The following MARCHF2 variants were observed in gnomAD, a reference collection of about 807,000 sequenced individuals.
MARCHF2 encodes membrane associated ring-CH-type finger 2, also known as E3 ubiquitin-protein ligase MARCHF2.
In MARCHF2, 22 loss-of-function variants were observed where a neutral mutation model predicts 24.0. The observed-to-expected ratio is 0.92, with a 90% confidence interval of 0.66 to 1.31. MARCHF2 has a LOEUF of 1.31. MARCHF2 is among the 50% of genes most tolerant of loss of function. The probability of loss-of-function intolerance (pLI) is 0.00; values close to 1 mark genes in which losing one functional copy is unlikely to be tolerated. For missense variants in MARCHF2, 301 were observed against 335.3 expected (o/e 0.90, Z 0.80); for synonymous variants, 154 against 153.0 (o/e 1.01, Z -0.05).
Position 8,430,597 on chromosome 19 carries a change from C to T in MARCHF2, c.373-61C>T. On this transcript the variant is annotated intron_variant, in intron 3 of 4. Coordinates refer to ENST00000215555, the MANE Select transcript of MARCHF2 (RefSeq NM_001005415.2). The surrounding 1 kb of genome is among the most constrained non-coding windows in gnomAD (Gnocchi z 4.4). The stretch of plus-strand genomic sequence containing the variant: ...GGCCTAGGCCTGGAGGTCCTTACCC[C>T]TCCCCCTCAGTAGCCCCTTCTCTGC... 1 of 1,418,142 alleles carries T rather than the reference C, an allele frequency of 7.1e-7. No homozygotes were observed. The highest frequency in any genetic ancestry group is 2.3e-5 in the East Asian group (1 of 43,782). The allele number at this position is 1,418,142 out of a possible 1,614,324, so 87.8% of individuals were successfully genotyped here.
intron 2 of MARCHF2, among the ~76,000 whole-genome samples, chr19:8,425,615 G>T (rs894171044): frequency 1.3e-5 from 2 of 148,418 alleles, no homozygotes; most frequent in African/African-American, 5.1e-5. Flanking sequence ...CCTAGTCCTT[G>T]AGGATTTTTT....
chr19:8,425,350 A>G (rs1469244495), intron 2 of MARCHF2, among the ~76,000 whole-genome samples: 1 of 151,466 alleles, frequency 6.6e-6, no homozygotes. Flanking sequence ...CAGTGAGCTG[A>G]TATCACACCA....
rs1967550717 is a variant in MARCHF2 at position 8,430,547 on chromosome 19, A to AT, written c.373-111_373-110insT. On this transcript the variant is annotated intron_variant, in intron 3 of 4. Transcript: ENST00000215555. This position sits in a 1 kb window ranked among gnomAD's most constrained non-coding sequence, Gnocchi z 4.4. ...GAGAATCTGTCTCAAAAAAAAAAAA[A>AT]AGAAAGAAGGAAAGGACAGAGGGAG... 3.7e-6 allele frequency: 3 copies of AT among 814,806 alleles called. No homozygotes were observed. The African/African-American group carries it at 5.2e-5, about 14-fold the overall frequency. The allele number at this position is 814,806 out of a possible 1,614,324, so 50.5% of individuals were successfully genotyped here. A position where few individuals can be genotyped will look rare whatever the true frequency, so the allele number is the denominator to read the frequency against.
At chr19:8,435,971 AC>A (rs1967709396) in intron 4 of MARCHF2, among the ~76,000 whole-genome samples, 1 of 151,544 alleles carries the variant, frequency 6.6e-6, no homozygotes, top group Admixed American at 6.6e-5. Context: ...TGATCCTCCC[AC>A]CTCAGCTTCC....
chr19:8,416,129 G>C (rs552345568), intron 1 of MARCHF2, among the ~76,000 whole-genome samples: 5 of 151,950 alleles, frequency 3.3e-5, no homozygotes, highest in African/African-American at 1.2e-4. Flanking sequence ...GGATCACGAG[G>C]TCAGGAGTTC....
chr19:8,438,496 C>T lies in MARCHF2; in HGVS notation c.691C>T (p.Pro231Ser), dbSNP rs767770877. The T allele has an allele frequency of 3.1e-6, 5 of 1,614,002 alleles. No individual in the cohort carries two copies. Among genetic ancestry groups the T allele is most frequent in the African/African-American group, 1.3e-5 (1 of 74,928 alleles). The stretch of plus-strand genomic sequence containing the variant: ...CAGCCCCGAGGGCCCCCAGCATTCT[C>T]CACTGGCAGCTGGACTCCTGAAGAA... Reference protein sequence around the residue: ...ADSPEGPQHSPLAAGLLKKVA... With the variant: ...ADSPEGPQHSSLAAGLLKKVA... The change falls in exon 5 of 5, where the codon CCA becomes TCA. Residue 231 changes from proline (P) to serine (S), a missense_variant. Physicochemically the swap from Pro to Ser is moderately conservative, Grantham distance 74. Coordinates refer to ENST00000215555, the MANE Select transcript of MARCHF2 (RefSeq NM_001005415.2).
chr19:8,424,096 C>A (rs1967330183), intron 2 of MARCHF2, among the ~76,000 whole-genome samples: 1 of 152,050 alleles, frequency 6.6e-6, no homozygotes, highest in South Asian at 2.1e-4. Context: ...GCCTTCTGGC[C>A]AGAAATGTTT....
In MARCHF2 at chr19:8,415,755, AC is replaced by A. The variant is rs1367878241; in HGVS notation, c.-53+2337del. Among the ~76,000 whole-genome samples the A allele has an allele frequency of 0.021, 2,502 of 120,534 alleles. 241 individuals are homozygous for A. The East Asian group carries it at 0.31, about 15-fold the overall frequency. 79.1% of individuals were successfully genotyped at this position (120,534 alleles called of 152,430 possible). On this transcript the variant is annotated intron_variant, in intron 1 of 4. Coordinates refer to ENST00000215555, the MANE Select transcript of MARCHF2 (RefSeq NM_001005415.2). ...AAAAACAAAAAAAACAAAAAAAAAA[AC>A]CAGACAAAAGAAAGAAGAGAAATAA...
chr19:8,429,822 T>G (rs1035928215), intron 3 of MARCHF2, among the ~76,000 whole-genome samples: 1 of 150,306 alleles, frequency 6.7e-6, no homozygotes, highest in African/African-American at 2.4e-5. Flanking sequence ...TTTTTTTTTT[T>G]TTTTAGCCCA....
intron 1 of MARCHF2, among the ~76,000 whole-genome samples, chr19:8,420,090 G>A (rs1967191945): frequency 6.7e-6 from 1 of 149,674 alleles, no homozygotes; most frequent in African/African-American, 2.4e-5. Context: ...CCCAGGAGGT[G>A]GAGCTTGCAG....
rs1270317652 is a variant in MARCHF2 at position 8,415,754 on chromosome 19, AAC to A, written c.-53+2335_-53+2336del. Among the ~76,000 whole-genome samples the A allele has an allele frequency of 1.4e-3, 188 of 133,624 alleles. 2 individuals are homozygous for A. Among genetic ancestry groups the A allele is most frequent in the Non-Finnish European group, 2.1e-3 (122 of 56,772 alleles). The allele number at this position is 133,624 out of a possible 152,430, so 87.7% of individuals were successfully genotyped here. A position where few individuals can be genotyped will look rare whatever the true frequency, so the allele number is the denominator to read the frequency against. ...AAAAAACAAAAAAAACAAAAAAAAA[AAC>A]CAGACAAAAGAAAGAAGAGAAATAA... On this transcript the variant is annotated intron_variant, in intron 1 of 4. Transcript: ENST00000215555.
chr19:8,415,762 A>G (rs1446724290), intron 1 of MARCHF2, among the ~76,000 whole-genome samples: 1 of 150,336 alleles, frequency 6.7e-6, no homozygotes, highest in Admixed American at 6.7e-5. Context: ...AAAACCAGAC[A>G]AAAGAAAGAA....
intron 4 of MARCHF2, among the ~76,000 whole-genome samples, chr19:8,431,817 G>A (rs947646147): frequency 1.3e-5 from 2 of 151,984 alleles, no homozygotes; most frequent in African/African-American, 4.8e-5. Context: ...CAGCCTGGGC[G>A]ACAAGAGCAA....
intron 1 of MARCHF2, 76 bp from the exon 2 acceptor site, chr19:8,421,713 G>A (rs1367489657): frequency 7.9e-6 from 6 of 761,212 alleles, no homozygotes; most frequent in Non-Finnish European, 1.2e-5. Context: ...CTACAGCCTT[G>A]ACAAGAGGGG....
intron 2 of MARCHF2, among the ~76,000 whole-genome samples, chr19:8,425,314 C>T (rs1321957898): frequency 6.6e-6 from 1 of 151,508 alleles, no homozygotes; most frequent in African/African-American, 2.4e-5. Context: ...GCAGGATAAT[C>T]GCTTGAACCT....
At chr19:8,417,215 G>A (rs1249948589) in intron 1 of MARCHF2, among the ~76,000 whole-genome samples, 3 of 151,994 alleles carry the variant, frequency 2.0e-5, no homozygotes, top group African/African-American at 7.2e-5. Context: ...AGGCCGAGGC[G>A]GGCAGATCAC....
At chr19:8,432,509 C>T (rs571707576) in intron 4 of MARCHF2, among the ~76,000 whole-genome samples, 2 of 152,104 alleles carry the variant, frequency 1.3e-5, no homozygotes, top group East Asian at 3.9e-4. Flanking sequence ...AAATAATTAG[C>T]TGGGCATGTT....
At chr19:8,422,302 T>C (rs1210006001) in intron 2 of MARCHF2, among the ~76,000 whole-genome samples, 1 of 151,870 alleles carries the variant, frequency 6.6e-6, no homozygotes, top group Non-Finnish European at 1.5e-5. Context: ...CGGTCAGGAG[T>C]GCAGGCTGTG....
intron 1 of MARCHF2, among the ~76,000 whole-genome samples, chr19:8,415,071 G>A (rs1967041062): frequency 1.3e-5 from 2 of 152,120 alleles, no homozygotes; most frequent in South Asian, 4.1e-4. Flanking sequence ...CCATCATAGG[G>A]TGTAATTATT....
Sources: allele counts gnomAD v4.1 joint callset (sites outside exome capture counted in the v4.1 genomes callset), GRCh38; gene constraint gnomAD v4.1.1; non-coding constraint Gnocchi (gnomAD v3.1); transcripts MANE v1.5; gene names NCBI Gene and HGNC (gene_info 2026-07-23, HGNC 2026-07-21).